The following STXBP4 variants were observed in gnomAD, a reference collection of about 807,000 sequenced individuals.
STXBP4 encodes the protein syntaxin binding protein 4.
A neutral mutation model predicts 76.1 loss-of-function variants in STXBP4; 55 were observed. That is an observed-to-expected ratio of 0.72 (90% CI 0.58 to 0.91). The LOEUF (loss-of-function observed/expected upper bound fraction) is 0.91. Ranked by LOEUF, STXBP4 falls within the 40% of genes least tolerant of loss-of-function variation. The probability of loss-of-function intolerance (pLI) is 0.00; values close to 1 mark genes in which losing one functional copy is unlikely to be tolerated. For synonymous variants in STXBP4, 201 were observed against 220.2 expected, an observed-to-expected ratio of 0.91 and a Z score of 0.77; for missense variants, 618 against 636.9, an observed-to-expected ratio of 0.97 and a Z score of 0.32.
chr17:54,988,853 A>T (rs2077666871), intron 3 of STXBP4, among the ~76,000 whole-genome samples: 1 of 152,124 alleles, frequency 6.6e-6, no homozygotes, highest in African/African-American at 2.4e-5. Flanking sequence ...TAGCTGATTG[A>T]CTATTGCCCT....
At chr17:55,195,060 C>G in the STXBP4 span, among the ~76,000 whole-genome samples, 3 of 152,348 alleles carry the variant, frequency 2.0e-5, no homozygotes, top group South Asian at 6.2e-4. Flanking sequence ...TTGAAACAAA[C>G]AGTCCTATTA....
At chr17:55,039,561 A>G (rs1398111901) in intron 10 of STXBP4, among the ~76,000 whole-genome samples, 1 of 152,118 alleles carries the variant, frequency 6.6e-6, no homozygotes, top group Admixed American at 6.6e-5. Context: ...TAGATAGAGG[A>G]CTATAGAAAT....
chr17:55,180,170 A>T, the STXBP4 span, among the ~76,000 whole-genome samples: 1 of 152,180 alleles, frequency 6.6e-6, no homozygotes, highest in Non-Finnish European at 1.5e-5. Context: ...CAGAGTCATT[A>T]TGAAGGTTAA....
At position 55,161,537 on chromosome 17, in the gene STXBP4, G is replaced by T. The variant is rs1220623018; in HGVS notation, c.*1626G>T. 1 of 152,114 alleles carries T rather than the reference G, an allele frequency of 6.6e-6. No homozygotes were observed. Among genetic ancestry groups the T allele is most frequent in the Non-Finnish European group, 1.5e-5 (1 of 67,998 alleles). 9.4% of individuals were successfully genotyped at this position (152,114 alleles called of 1,614,324 possible). ...CCCTGCTTGAAGAGTTTTCTAATTCGTTTCTAGTGAGCAAAACAAAGAAGG... is the reference window on the plus strand; with the variant it reads ...CCCTGCTTGAAGAGTTTTCTAATTCTTTTCTAGTGAGCAAAACAAAGAAGG... On this transcript the variant is annotated 3_prime_UTR_variant, in exon 18 of 18. Transcript: ENST00000376352.
rs182513342 is a variant in STXBP4, at chr17:55,000,195, A to G, written c.498+353A>G. 50 of 985,148 alleles carry G rather than the reference A, an allele frequency of 5.1e-5. No homozygotes were observed. In the African/African-American group the frequency reaches 8.4e-4, roughly 17 times the overall value. The allele number at this position is 985,148 out of a possible 1,614,324, so 61.0% of individuals were successfully genotyped here. ...TTCTCTGCTTGACTGAAGTGAGGCC[A>G]TCTTCCTTTTTGTTCCTTAGCTTCT... On this transcript the variant is annotated intron_variant, in intron 6 of 17. Coordinates refer to ENST00000376352, the MANE Select transcript of STXBP4 (RefSeq NM_178509.6).
intron 8 of STXBP4, among the ~76,000 whole-genome samples, chr17:55,009,006 T>C (rs1288849270): frequency 2.6e-5 from 4 of 152,238 alleles, no homozygotes; most frequent in African/African-American, 9.6e-5. Flanking sequence ...TGCACGTTAG[T>C]AGCACTTACC....
At chr17:55,139,155 A>T (rs1252868268) in intron 16 of STXBP4, among the ~76,000 whole-genome samples, 2 of 152,134 alleles carry the variant, frequency 1.3e-5, no homozygotes, top group African/African-American at 4.8e-5. Flanking sequence ...TCTGTTATAA[A>T]GTTATAATTC....
rs761052296 is a variant in STXBP4 at position 55,078,067 on chromosome 17, T to C, written c.1189-11T>C. 2 of 1,553,484 alleles carry C rather than the reference T, an allele frequency of 1.3e-6. No homozygotes were observed. The highest frequency in any genetic ancestry group is 1.4e-5 in the African/African-American group (1 of 72,560). ...AAATGTGTAAATGCTCCTTTTGATA[T>C]CTCTGTGCAGGAAAGTGTTCAGGAT... On this transcript the variant is annotated splice_polypyrimidine_tract_variant and intron_variant, in intron 13 of 17. Transcript: ENST00000376352.
intron 8 of STXBP4, among the ~76,000 whole-genome samples, chr17:55,011,726 C>T (rs1371670976): frequency 2.0e-5 from 3 of 151,948 alleles, no homozygotes; most frequent in Non-Finnish European, 4.4e-5. Context: ...CTACCTGATT[C>T]GTCGGGTGTG....
chr17:55,024,584 A>T (rs192230229), intron 8 of STXBP4, among the ~76,000 whole-genome samples: 1 of 152,180 alleles, frequency 6.6e-6, no homozygotes, highest in African/African-American at 2.4e-5. Flanking sequence ...AACCTTTGTC[A>T]TTTCTAGGTT....
At chr17:55,053,363 G>A (rs561620511) in intron 12 of STXBP4, among the ~76,000 whole-genome samples, 85 of 152,088 alleles carry the variant, frequency 5.6e-4, no homozygotes, top group Middle Eastern at 6.8e-3. Context: ...ATATACATGT[G>A]TGTTATTTAT....
At chr17:55,151,957 A>G (rs568508474) in intron 17 of STXBP4, among the ~76,000 whole-genome samples, 1 of 152,318 alleles carries the variant, frequency 6.6e-6, no homozygotes, top group East Asian at 1.9e-4. Context: ...GGATATGAGA[A>G]TATTGGTGAG....
In STXBP4 at chr17:55,026,920, G is replaced by C. The variant is rs555944857; in HGVS notation, c.667-4248G>C. 2.9e-4 allele frequency among the ~76,000 whole-genome samples: 44 copies of C among 152,282 alleles called. 1 individual carries two copies. The highest frequency in any genetic ancestry group is 6.8e-3 in the Middle Eastern group (2 of 294). On this transcript the variant is annotated intron_variant, in intron 8 of 17. Coordinates refer to ENST00000376352, the MANE Select transcript of STXBP4 (RefSeq NM_178509.6). Reference sequence around the variant, plus strand: ...TGGCTTTGCAAGTAGACTGGAAAGGGTGTGGCCTGAAAGCCTAGGGTTCCC... The same window carrying C: ...TGGCTTTGCAAGTAGACTGGAAAGGCTGTGGCCTGAAAGCCTAGGGTTCCC...
chr17:55,010,158 A>G (rs986246972), intron 8 of STXBP4, among the ~76,000 whole-genome samples: 5 of 152,022 alleles, frequency 3.3e-5, no homozygotes, highest in African/African-American at 1.2e-4. Context: ...CTAATTATGA[A>G]TTTATTAAGT....
chr17:55,165,877 C>A lies in STXBP4; in HGVS notation c.*5966C>A, dbSNP rs1477993151. The A allele has an allele frequency of 1.3e-5, 2 of 152,266 alleles. No homozygotes were observed. The highest frequency in any genetic ancestry group is 3.8e-4 in the East Asian group (2 of 5,196). 9.4% of individuals were successfully genotyped at this position (152,266 alleles called of 1,614,324 possible). A position where few individuals can be genotyped will look rare whatever the true frequency, so the allele number is the denominator to read the frequency against. On this transcript the variant is annotated 3_prime_UTR_variant, in exon 18 of 18. Coordinates refer to ENST00000376352, the MANE Select transcript of STXBP4 (RefSeq NM_178509.6). ...CTTTGAAGCAGAGAGCAAGCCCTCACCAGAAGCTAAATCTGCTGGCATCTT... is the reference window on the plus strand; with the variant it reads ...CTTTGAAGCAGAGAGCAAGCCCTCAACAGAAGCTAAATCTGCTGGCATCTT...
At chr17:55,147,000 C>T (rs1373948207) in intron 17 of STXBP4, among the ~76,000 whole-genome samples, 1 of 152,184 alleles carries the variant, frequency 6.6e-6, no homozygotes, top group Admixed American at 6.5e-5. Context: ...AGGCGCCTAC[C>T]TAAAAGTATG....
At chr17:55,100,070 C>T (rs945709020) in intron 16 of STXBP4, among the ~76,000 whole-genome samples, 12 of 152,106 alleles carry the variant, frequency 7.9e-5, no homozygotes, top group African/African-American at 2.9e-4. Context: ...TCAACCAGCC[C>T]AGGCATAAAA....
At chr17:55,140,017 T>C (rs2080077334) in intron 16 of STXBP4, among the ~76,000 whole-genome samples, 1 of 152,168 alleles carries the variant, frequency 6.6e-6, no homozygotes, top group Admixed American at 6.6e-5. Flanking sequence ...AAATAGTTAC[T>C]GTTAGGCCAA....
At chr17:55,050,347 G>A (rs1246126475) in intron 12 of STXBP4, among the ~76,000 whole-genome samples, 4 of 151,948 alleles carry the variant, frequency 2.6e-5, no homozygotes, top group African/African-American at 4.8e-5. Flanking sequence ...CTATAAAAAT[G>A]TCCATTAAAC....
Sources: allele counts gnomAD v4.1 joint callset (sites outside exome capture counted in the v4.1 genomes callset), GRCh38; gene constraint gnomAD v4.1.1; transcripts MANE v1.5; gene names NCBI Gene and HGNC (gene_info 2026-07-23, HGNC 2026-07-21).